ZNF33B: variants seen among roughly 807,000 people sequenced by gnomAD.
The protein encoded by ZNF33B is zinc finger protein 33B.
ZNF33B carries 29 observed loss-of-function variants against 45.8 expected under a neutral mutation model. The ratio of observed to expected loss-of-function variants is 0.63; its 90% confidence interval spans 0.47 to 0.86. The LOEUF (loss-of-function observed/expected upper bound fraction) is 0.86. Ranked by LOEUF, ZNF33B falls within the 40% of genes least tolerant of loss-of-function variation. The probability of loss-of-function intolerance (pLI) is 0.00; values close to 1 mark genes in which losing one functional copy is unlikely to be tolerated. For missense variants in ZNF33B, 831 were observed against 909.9 expected (o/e 0.91, Z 1.12); for synonymous variants, 305 against 307.8 (o/e 0.99, Z 0.10).
chr10:42,595,524 C>A (rs1207707632), intron 4 of ZNF33B, among the ~76,000 whole-genome samples: 13 of 152,184 alleles, frequency 8.5e-5, no homozygotes, highest in South Asian at 6.2e-4. Flanking sequence ...CTGTGCCCCC[C>A]AAAAATGTGT....
In ZNF33B at chr10:42,592,670, T is replaced by C; in HGVS notation, c.2280A>G (p.Gln760=). The part of the protein sequence containing the change: ...ECNTCRKTFS[Q]KSNLIVHQRT... ...TCTGATGTACAATGAGATTTGACTT[T>C]TGAGAGAAGGTTTTCCTGCATGTGT... Residue 760 remains glutamine, a synonymous_variant, in exon 5 of 5, where the codon CAA becomes CAG. Coordinates refer to ENST00000359467, the MANE Select transcript of ZNF33B (RefSeq NM_006955.3). 1 of 1,614,018 alleles carries C rather than the reference T, an allele frequency of 6.2e-7. No homozygotes were observed. The highest frequency in any genetic ancestry group is 8.5e-7 in the Non-Finnish European group (1 of 1,179,924).
intron 2 of ZNF33B, among the ~76,000 whole-genome samples, chr10:42,636,447 A>G (rs1839303323): frequency 6.6e-6 from 1 of 152,228 alleles, no homozygotes; most frequent in African/African-American, 2.4e-5. Flanking sequence ...TATTGACTCT[A>G]ACTTGGCCCT....
Position 42,592,863 on chromosome 10 carries a change from T to C in ZNF33B, c.2087A>G (p.Asn696Ser), listed in dbSNP as rs187858836. The C allele has an allele frequency of 9.9e-6, 16 of 1,614,078 alleles. No individual in the cohort carries two copies. The highest frequency in any genetic ancestry group is 1.6e-4 in the Middle Eastern group (1 of 6,062). The change falls in exon 5 of 5, where the codon AAT becomes AGT. Residue 696 changes from asparagine (N) to serine (S), a missense_variant. Asn to Ser is a conservative substitution (Grantham distance 46, BLOSUM62 1). Coordinates refer to ENST00000359467, the MANE Select transcript of ZNF33B (RefSeq NM_006955.3). ...GTGACTGAAGGATTTCCCACATTCATTGCATTCATAGGGTTTCTCCCCCGT... is the reference window on the plus strand; with the variant it reads ...GTGACTGAAGGATTTCCCACATTCACTGCATTCATAGGGTTTCTCCCCCGT... ...KHTGEKPYEC[N>S]ECGKSFSHKS...
intron 1 of ZNF33B, chr10:42,581,713 A>C (rs1836828570): frequency 6.6e-6 from 1 of 152,226 alleles, no homozygotes; most frequent in Non-Finnish European, 1.5e-5. Flanking sequence ...ACAGTTTTAC[A>C]AACTGCCTGG....
intron 4 of ZNF33B, among the ~76,000 whole-genome samples, chr10:42,622,938 C>G (rs1215155910): frequency 2.6e-5 from 4 of 152,158 alleles, no homozygotes; most frequent in Non-Finnish European, 4.4e-5. Context: ...GTGATGGATT[C>G]TTAACTATGA....
chr10:42,623,225 C>T (rs1261925177), intron 4 of ZNF33B, among the ~76,000 whole-genome samples: 3 of 152,202 alleles, frequency 2.0e-5, no homozygotes, highest in Non-Finnish European at 4.4e-5. Context: ...CGAGATCGTG[C>T]CACTGCACTC....
rs149347564 is a variant in ZNF33B at position 42,631,891 on chromosome 10, T to G, written c.250+38A>C. 3.2e-3 allele frequency: 4,961 copies of G among 1,555,364 alleles called. 145 individuals carry two copies. The African/African-American group carries it at 0.06, about 19-fold the overall frequency. On this transcript the variant is annotated intron_variant, in intron 4 of 4. Coordinates refer to ENST00000359467, the MANE Select transcript of ZNF33B (RefSeq NM_006955.3). ...GAATTAACTACTGGGAAACAACAAA[T>G]CCCCTGATGTGAATCTGTGCAGTAC...
intron 4 of ZNF33B, among the ~76,000 whole-genome samples, chr10:42,622,405 AGAG>A (rs1442511239): frequency 2.6e-5 from 4 of 152,162 alleles, no homozygotes; most frequent in Admixed American, 2.6e-4. Context: ...GAACAAAGTC[AGAG>A]GACTCAAAAC....
chr10:42,625,891 TCA>T (rs1245687913), intron 4 of ZNF33B, among the ~76,000 whole-genome samples: 5 of 152,258 alleles, frequency 3.3e-5, no homozygotes, highest in Non-Finnish European at 7.3e-5. Context: ...TTTTCTTGCC[TCA>T]TTGTGCTTGA....
intron 1 of ZNF33B, chr10:42,583,174 G>T: frequency 1.3e-6 from 1 of 765,260 alleles, no homozygotes; most frequent in Non-Finnish European, 2.3e-6. Flanking sequence ...GTCTGTCTTA[G>T]GGTTGATGTG....
At chr10:42,581,358 G>A (rs893985875) in intron 1 of ZNF33B, among the ~76,000 whole-genome samples, 23 of 151,734 alleles carry the variant, frequency 1.5e-4, no homozygotes, top group African/African-American at 5.6e-4. Context: ...CAACTACTCG[G>A]GAGGCTGAGA....
At chr10:42,624,664 T>C (rs1284448011) in intron 4 of ZNF33B, among the ~76,000 whole-genome samples, 21 of 152,064 alleles carry the variant, frequency 1.4e-4, no homozygotes. Flanking sequence ...TTAAGTAAAA[T>C]AAGGGTTACT....
downstream of ZNF33B, among the ~76,000 whole-genome samples, chr10:42,586,882 AT>A (rs1836946994): frequency 1.3e-5 from 2 of 152,214 alleles, no homozygotes; most frequent in Non-Finnish European, 2.9e-5. Flanking sequence ...TTTATAAGCA[AT>A]AGAAATTTAC....
intron 4 of ZNF33B, chr10:42,605,138 A>T (rs1406138623): frequency 1.3e-5 from 2 of 152,080 alleles, no homozygotes; most frequent in Non-Finnish European, 2.9e-5. Flanking sequence ...GTAGCAGAAA[A>T]AATATTCAAA....
intron 4 of ZNF33B, among the ~76,000 whole-genome samples, chr10:42,618,869 A>G (rs763732678): frequency 2.4e-4 from 37 of 151,942 alleles, no homozygotes; most frequent in Non-Finnish European, 4.1e-4. Flanking sequence ...ATTTTTCATT[A>G]TTTTACTGGC....
intron 4 of ZNF33B, among the ~76,000 whole-genome samples, chr10:42,605,791 G>GC (rs369490339): frequency 5.9e-5 from 9 of 152,194 alleles, no homozygotes; most frequent in African/African-American, 2.2e-4. Flanking sequence ...ATATAGAAAT[G>GC]CAATATATTT....
chr10:42,601,558 C>T (rs1338591029), intron 4 of ZNF33B, among the ~76,000 whole-genome samples: 1 of 139,256 alleles, frequency 7.2e-6, no homozygotes, highest in Non-Finnish European at 1.5e-5. Flanking sequence ...ACTGCAACTT[C>T]TGCCTCCCAT....
At chr10:42,588,786 G>GAAGCAGATCTTACTGCTTAGGAAT, downstream of ZNF33B, among the ~76,000 whole-genome samples, 1 of 152,208 alleles carries the variant, frequency 6.6e-6, no homozygotes, top group Non-Finnish European at 1.5e-5. Context: ...AGCTGGTAGG[G>GAAGCAGATCTTACTGCTTAGGAAT]AAGCAGATCT....
intron 4 of ZNF33B, among the ~76,000 whole-genome samples, chr10:42,602,973 A>C (rs1442045531): frequency 2.0e-5 from 3 of 152,288 alleles, no homozygotes; most frequent in East Asian, 3.9e-4. Flanking sequence ...CCACAGCTTC[A>C]AATTCTAGGA....
Sources: gnomAD v4.1 joint callset for allele counts (sites outside exome capture counted in the v4.1 genomes callset) on GRCh38, gnomAD v4.1.1 for gene constraint, MANE v1.5 for transcripts, NCBI Gene and HGNC (gene_info 2026-07-23, HGNC 2026-07-21) for gene names.